Variants in PDE4B observed in about 807,000 individuals in gnomAD.
PDE4B encodes the protein phosphodiesterase 4B, also known as 3',5'-cyclic-AMP phosphodiesterase 4B.
Under a neutral mutation model 82.2 loss-of-function variants are expected in PDE4B, and 20 were observed. The ratio of observed to expected loss-of-function variants is 0.24; its 90% confidence interval spans 0.17 to 0.35. The LOEUF (loss-of-function observed/expected upper bound fraction) is 0.35. Among genes scored for constraint, PDE4B ranks in the 10% least tolerant of loss-of-function variants. The pLI is 1.00. For missense variants in PDE4B, 655 were observed against 907.2 expected (o/e 0.72, Z 3.57); for synonymous variants, 320 against 318.9 (o/e 1.00, Z -0.04).
At chr1:66,346,469 T>G (rs1661403448) in intron 8 of PDE4B, among the ~76,000 whole-genome samples, 1 of 152,214 alleles carries the variant, frequency 6.6e-6, no homozygotes, top group East Asian at 1.9e-4. Flanking sequence ...AACTTAAGCA[T>G]AAGACCATTT....
intron 1 of PDE4B, among the ~76,000 whole-genome samples, chr1:65,865,382 G>C (rs889269053): frequency 3.3e-5 from 5 of 151,802 alleles, no homozygotes; most frequent in African/African-American, 1.2e-4. Context: ...TTCCAGGGAA[G>C]TGAATTGCTC....
intron 1 of PDE4B, among the ~76,000 whole-genome samples, chr1:65,905,770 AATGAACCC>A (rs1647022043): frequency 6.6e-6 from 1 of 151,978 alleles, no homozygotes; most frequent in South Asian, 2.1e-4. Flanking sequence ...TTTTTCACCT[AATGAACCC>A]ATGATCTGTT....
chr1:66,287,691 A>G (rs1431999765), intron 7 of PDE4B, among the ~76,000 whole-genome samples: 5 of 152,146 alleles, frequency 3.3e-5, no homozygotes, highest in African/African-American at 1.2e-4. Flanking sequence ...AATATCGCCT[A>G]CGTTTTAGGC....
At position 66,247,681 on chromosome 1, in the gene PDE4B, A is replaced by G. The variant is rs1342448471; in HGVS notation, c.476+27A>G. 9 of 1,511,092 alleles carry G rather than the reference A, an allele frequency of 6.0e-6. No homozygotes were observed. The African/African-American group carries it at 9.7e-5, about 16-fold the overall frequency. The allele number at this position is 1,511,092 out of a possible 1,614,324, so 93.6% of individuals were successfully genotyped here. ...TAAGTACAAGCTCTGTCTGGCTTCC[A>G]GTTTCACATTTACCTCATCTCTACC... On this transcript the variant is annotated intron_variant, in intron 4 of 16. Coordinates refer to ENST00000341517, the MANE Select transcript of PDE4B (RefSeq NM_002600.4).
At chr1:65,875,967 G>GA (rs977043983) in intron 1 of PDE4B, among the ~76,000 whole-genome samples, 3 of 149,484 alleles carry the variant, frequency 2.0e-5, no homozygotes, top group Admixed American at 6.7e-5. Context: ...AAAAAATGGG[G>GA]AAAAAAAAAG....
At chr1:66,049,811 C>A (rs1346305895) in intron 3 of PDE4B, among the ~76,000 whole-genome samples, 1 of 151,950 alleles carries the variant, frequency 6.6e-6, no homozygotes, top group African/African-American at 2.4e-5. Context: ...GCATTTCAAC[C>A]ACCGTGTACA....
intron 3 of PDE4B, among the ~76,000 whole-genome samples, chr1:66,122,703 C>CTTTTT (rs3036785): frequency 1.6e-4 from 18 of 111,952 alleles, no homozygotes; most frequent in South Asian, 2.9e-4. Flanking sequence ...CTCTTCTTTT[C>CTTTTT]TTTTTTTTTT....
rs1258988264 is a variant in PDE4B, at chr1:66,332,063, G to A, written c.635-445G>A. 3.7e-6 allele frequency: 4 copies of A among 1,092,346 alleles called. No homozygotes were observed. In the East Asian group the frequency reaches 1.8e-4, roughly 50 times the overall value. The allele number at this position is 1,092,346 out of a possible 1,614,324, so 67.7% of individuals were successfully genotyped here. On this transcript the variant is annotated intron_variant, in intron 7 of 16. Transcript: ENST00000341517. ...TAGAAGAAAAGCAAAATGAGAAAAA[G>A]CTTTCCTCATTTCTCCTTGAGATGG...
At chr1:66,368,765 T>C in intron 15 of PDE4B, 22 bp from the exon 16 acceptor site, 1 of 1,493,660 alleles carries the variant, frequency 6.7e-7, no homozygotes, top group Non-Finnish European at 9.0e-7. Context: ...TTTATGAGAT[T>C]TCCAAAACTT....
At chr1:65,876,867 G>A (rs1214702917) in intron 1 of PDE4B, among the ~76,000 whole-genome samples, 4 of 152,070 alleles carry the variant, frequency 2.6e-5, no homozygotes, top group Non-Finnish European at 1.5e-5. Context: ...ACCTCTTCAA[G>A]GAGAACTACA....
intron 1 of PDE4B, among the ~76,000 whole-genome samples, chr1:65,848,817 C>A (rs954305796): frequency 6.6e-6 from 1 of 152,018 alleles, no homozygotes; most frequent in African/African-American, 2.4e-5. Flanking sequence ...TTCCAGTTGC[C>A]AGCTATTATG....
intron 3 of PDE4B, among the ~76,000 whole-genome samples, chr1:66,096,506 A>ATT: frequency 9.0e-6 from 1 of 111,498 alleles, no homozygotes; most frequent in African/African-American, 3.5e-5. Flanking sequence ...AAGTAAAAAA[A>ATT]ATTATATATA....
At chr1:66,102,477 T>G (rs529218490) in intron 3 of PDE4B, among the ~76,000 whole-genome samples, 1 of 152,024 alleles carries the variant, frequency 6.6e-6, no homozygotes, top group Non-Finnish European at 1.5e-5. Flanking sequence ...GTGAGCAGTA[T>G]TGTTGGTTTA....
intron 6 of PDE4B, among the ~76,000 whole-genome samples, chr1:66,259,913 C>A (rs1654555065): frequency 6.6e-6 from 1 of 152,070 alleles, no homozygotes; most frequent in African/African-American, 2.4e-5. Flanking sequence ...GAAAATGATG[C>A]ACTTGGGCAA....
rs191991900 is a variant in PDE4B, at chr1:66,296,073, C to A, written c.634+29986C>A. Reference sequence around the variant, plus strand: ...GGTTTAGACCCAATTCAGAGGTCAACGTCTCTTATTAGGGCTGTTTGTTTT... The same window carrying A: ...GGTTTAGACCCAATTCAGAGGTCAAAGTCTCTTATTAGGGCTGTTTGTTTT... On this transcript the variant is annotated intron_variant, in intron 7 of 16. Coordinates refer to ENST00000341517, the MANE Select transcript of PDE4B (RefSeq NM_002600.4). Among the ~76,000 whole-genome samples, 3 of 152,114 alleles carry A rather than the reference C, an allele frequency of 2.0e-5. No individual in the cohort carries two copies. In the South Asian group the frequency reaches 6.2e-4, roughly 31 times the overall value.
intron 12 of PDE4B, among the ~76,000 whole-genome samples, 171 bp downstream of exon 12, chr1:66,363,742 AC>A (rs1663005970): frequency 6.6e-6 from 1 of 152,018 alleles, no homozygotes; most frequent in South Asian, 2.1e-4. Flanking sequence ...GCTCCCCTGG[AC>A]TCCCGCTTGG....
chr1:65,886,755 C>T (rs1254798553), intron 1 of PDE4B, among the ~76,000 whole-genome samples: 1 of 151,996 alleles, frequency 6.6e-6, no homozygotes, highest in Non-Finnish European at 1.5e-5. Context: ...GTACGTATAC[C>T]ACATTTTCTC....
chr1:65,943,491 A>G (rs999101877), intron 3 of PDE4B, among the ~76,000 whole-genome samples: 1 of 151,856 alleles, frequency 6.6e-6, no homozygotes, highest in Non-Finnish European at 1.5e-5. Flanking sequence ...AGGGAATTCT[A>G]TGGTTCCAAA....
chr1:65,876,317 TA>T (rs1646643250), intron 1 of PDE4B, among the ~76,000 whole-genome samples: 1 of 152,150 alleles, frequency 6.6e-6, no homozygotes, highest in African/African-American at 2.4e-5. Flanking sequence ...ATATTGTCCC[TA>T]AAAAGTTGTC....
Sources: gnomAD v4.1 joint callset for allele counts (sites outside exome capture counted in the v4.1 genomes callset) on GRCh38, gnomAD v4.1.1 for gene constraint, MANE v1.5 for transcripts, NCBI Gene and HGNC (gene_info 2026-07-23, HGNC 2026-07-21) for gene names.